LMNTD2: variants seen among roughly 807,000 people sequenced by gnomAD.
The protein encoded by LMNTD2 is lamin tail domain-containing protein 2.
A neutral mutation model predicts 70.1 loss-of-function variants in LMNTD2; 83 were observed. That is an observed-to-expected ratio of 1.18 (90% CI 0.99 to 1.42). LMNTD2 has a LOEUF of 1.42. Among genes scored for constraint, LMNTD2 ranks in the 40% most tolerant of loss-of-function variants. LMNTD2 has a pLI of 0.00. For missense variants in LMNTD2, 1,153 were observed against 905.9 expected (o/e 1.27, Z -3.50); for synonymous variants, 534 against 406.1 (o/e 1.31, Z -3.79).
At chr11:559,511 T>C in intron 1 of LMNTD2, 1 of 1,273,256 alleles carries the variant, frequency 7.9e-7, no homozygotes, top group Non-Finnish European at 1.0e-6. Flanking sequence ...GGAGGAGGTG[T>C]GAGAGGCTGA....
chr11:556,647 C>G (rs996350970), intron 8 of LMNTD2, 59 bp from the exon 9 acceptor site: 2 of 1,436,812 alleles, frequency 1.4e-6, no homozygotes, highest in South Asian at 1.4e-5. Flanking sequence ...ACCGGATGTT[C>G]CCCGTGAGGT....
Position 556,091 on chromosome 11 carries a change from C to T in LMNTD2, c.1282G>A (p.Ala428Thr), listed in dbSNP as rs2134093959. The change falls in exon 11 of 14, where the codon GCC becomes ACC. Residue 428 changes from alanine to threonine, a missense_variant. Coordinates refer to ENST00000329451, the MANE Select transcript of LMNTD2 (RefSeq NM_173573.3). ...VTVWGEATRSAKKPLRASSSR... is the reference protein window; with the variant it reads ...VTVWGEATRSTKKPLRASSSR... ...GAGGACGCGCGCAGCGGCTTCTTGGCGCTGCGGGTCGCCTCGCCCCAGACC... is the reference window on the plus strand; with the variant it reads ...GAGGACGCGCGCAGCGGCTTCTTGGTGCTGCGGGTCGCCTCGCCCCAGACC... 1 of 1,527,890 alleles carries T rather than the reference C, an allele frequency of 6.5e-7. No homozygotes were observed. Among genetic ancestry groups the T allele is most frequent in the Non-Finnish European group, 8.7e-7 (1 of 1,148,360 alleles). 94.6% of individuals were successfully genotyped at this position (1,527,890 alleles called of 1,614,324 possible).
rs1041114821 is a variant in LMNTD2 at position 554,935 on chromosome 11, C to G, written c.*45G>C. Reference sequence around the variant, plus strand: ...GGACACAGCCCGCCCAGCCCCGGCGCCCGCCCGCGCCCTCCCTCGCGGTCC... The same window carrying G: ...GGACACAGCCCGCCCAGCCCCGGCGGCCGCCCGCGCCCTCCCTCGCGGTCC... On this transcript the variant is annotated 3_prime_UTR_variant, in exon 14 of 14. Transcript: ENST00000329451. 4 of 1,419,114 alleles carry G rather than the reference C, an allele frequency of 2.8e-6. No homozygotes were observed. Among genetic ancestry groups the G allele is most frequent in the South Asian group, 2.9e-5 (2 of 69,752 alleles). 87.9% of individuals were successfully genotyped at this position (1,419,114 alleles called of 1,614,324 possible).
Position 559,209 on chromosome 11 carries a change from G to A in LMNTD2, c.35-230C>T, listed in dbSNP as rs551627506. On this transcript the variant is annotated intron_variant, in intron 1 of 13. Transcript: ENST00000329451. ...TCCACACCCGTGTGTTTCTGACCAG[G>A]CTGGCGCAGCAGGTCACCACCCGAC... 7.8e-4 allele frequency: 1,158 copies of A among 1,480,942 alleles called. 22 individuals are homozygous for A. In the South Asian group the frequency reaches 0.014, roughly 18 times the overall value. 91.7% of individuals were successfully genotyped at this position (1,480,942 alleles called of 1,614,324 possible).
chr11:556,021 G>C lies in LMNTD2; in HGVS notation c.1352C>G (p.Thr451Arg), dbSNP rs1374501203. ...CTCGCCCTTGGGGCTCAGGAGCAGC[G>C]TCGCGCAGCCGCGGATGGAGAGGAG... ...VPLLSIRGCA[T>R]LLLSPKGEVL... Residue 451 changes from threonine to arginine, a missense_variant, in exon 11 of 14, where the codon ACG (threonine) becomes AGG (arginine). Thr to Arg is a moderately conservative substitution (Grantham distance 71). Coordinates refer to ENST00000329451, the MANE Select transcript of LMNTD2 (RefSeq NM_173573.3). The C allele has an allele frequency of 1.3e-6, 2 of 1,557,690 alleles. No homozygotes were observed. Among genetic ancestry groups the C allele is most frequent in the Non-Finnish European group, 1.7e-6 (2 of 1,162,256 alleles).
In LMNTD2 at chr11:557,066, C is replaced by T; in HGVS notation, c.745G>A (p.Gly249Arg). 1 of 1,604,130 alleles carries T rather than the reference C, an allele frequency of 6.2e-7. No homozygotes were observed. Among genetic ancestry groups the T allele is most frequent in the Non-Finnish European group, 8.5e-7 (1 of 1,175,984 alleles). ...TGCTTTCCAGAGGACTCTGGGCTCCCTGTGTCCAGCTGTGGCCAGGGCCGG... is the reference window on the plus strand; with the variant it reads ...TGCTTTCCAGAGGACTCTGGGCTCCTTGTGTCCAGCTGTGGCCAGGGCCGG... ...QPRPWPQLDT[G>R]SPESSGKHSE... Residue 249 changes from glycine to arginine, a missense_variant, in exon 8 of 14, where the codon GGG becomes AGG. Coordinates refer to ENST00000329451, the MANE Select transcript of LMNTD2 (RefSeq NM_173573.3).
rs1183589280 is a variant in LMNTD2, at chr11:555,490, G to GC, written c.1587dup (p.Leu530AlafsTer36). The stretch of plus-strand genomic sequence containing the variant: ...AGCTTCCCCGAGCTCACTGGGGGCA[G>GC]CAGGCCCCGCGTCCTGGTGGGGCGA... On this transcript the variant is annotated frameshift_variant, in exon 13 of 14. Coordinates refer to ENST00000329451, the MANE Select transcript of LMNTD2 (RefSeq NM_173573.3). LOFTEE classifies it high-confidence loss of function. 23 of 1,366,376 alleles carry GC rather than the reference G, an allele frequency of 1.7e-5. No homozygotes were observed. The highest frequency in any genetic ancestry group is 2.1e-5 in the Non-Finnish European group (22 of 1,066,126). 84.6% of individuals were successfully genotyped at this position (1,366,376 alleles called of 1,614,324 possible).
At chr11:555,650 C>T in intron 12 of LMNTD2, 84 bp downstream of exon 12, 6 of 1,305,748 alleles carry the variant, frequency 4.6e-6, no homozygotes, top group South Asian at 1.8e-5. Flanking sequence ...AGGGGTCCGT[C>T]CTAGCGAGGG....
intron 6 of LMNTD2, 29 bp from the exon 7 acceptor site, chr11:557,516 C>G: frequency 6.2e-7 from 1 of 1,613,346 alleles, no homozygotes; most frequent in South Asian, 1.1e-5. Context: ...GCACATGGTC[C>G]TCCCCTCCCG....
Position 555,449 on chromosome 11 carries a change from C to T in LMNTD2, c.1629G>A (p.Glu543=), listed in dbSNP as rs1852786794. 2 of 1,380,548 alleles carry T rather than the reference C, an allele frequency of 1.4e-6. No individual in the cohort carries two copies. The highest frequency in any genetic ancestry group is 1.9e-6 in the Non-Finnish European group (2 of 1,073,318). The allele number at this position is 1,380,548 out of a possible 1,614,324, so 85.5% of individuals were successfully genotyped here. A position where few individuals can be genotyped will look rare whatever the true frequency, so the allele number is the denominator to read the frequency against. The change falls in exon 13 of 14, where the codon GAG becomes GAA. Residue 543 remains glutamate (E), a synonymous_variant. Coordinates refer to ENST00000329451, the MANE Select transcript of LMNTD2 (RefSeq NM_173573.3). Reference sequence around the variant, plus strand: ...CGGGGTTCTCGGGCCGCGCAGGCCCCTCCCGCGCGTGGAAGAGCTTCCCCG... The same window carrying T: ...CGGGGTTCTCGGGCCGCGCAGGCCCTTCCCGCGCGTGGAAGAGCTTCCCCG... ...VSSGKLFHAR[E]GPARPENPEI...
chr11:557,183 G>A, intron 7 of LMNTD2, 86 bp from the exon 8 acceptor site: 1 of 1,479,740 alleles, frequency 6.8e-7, no homozygotes, highest in Non-Finnish European at 9.0e-7. Context: ...GTGCAGCAGG[G>A]AGCCCCTCTT....
Position 557,051 on chromosome 11 carries a change from A to AG in LMNTD2, c.759dup (p.Ser254LeufsTer29). On this transcript the variant is annotated frameshift_variant, in exon 8 of 14. Transcript: ENST00000329451. LOFTEE classifies it high-confidence loss of function. The stretch of plus-strand genomic sequence containing the variant: ...TGATGCCGCTCGGAATGCTTTCCAG[A>AG]GGACTCTGGGCTCCCTGTGTCCAGC... 6.2e-7 allele frequency: 1 copy of AG among 1,608,510 alleles called. No homozygotes were observed. The highest frequency in any genetic ancestry group is 8.5e-7 in the Non-Finnish European group (1 of 1,178,488).
Position 556,861 on chromosome 11 carries a change from G to A in LMNTD2, c.950C>T (p.Ala317Val). 1 of 1,586,306 alleles carries A rather than the reference G, an allele frequency of 6.3e-7. No homozygotes were observed. Residue 317 changes from alanine to valine, a missense_variant, in exon 8 of 14, where the codon GCC (alanine) becomes GTC (valine). By Grantham distance (64) the Ala-to-Val change is moderately conservative. Coordinates refer to ENST00000329451, the MANE Select transcript of LMNTD2 (RefSeq NM_173573.3). ...RASSEQALVQ[A>V]GSYSRDSEDL... ...TTCTGAGTCCCTGCTGTAGCTGCCG[G>A]CCTGCACCAGCGCTTGCTCGGAGGA...
Position 557,483 on chromosome 11 carries a change from A to G in LMNTD2, c.629T>C (p.Phe210Ser), listed in dbSNP as rs759941043. The G allele has an allele frequency of 3.1e-6, 5 of 1,612,626 alleles. No individual in the cohort carries two copies. In the East Asian group the frequency reaches 8.9e-5, roughly 29 times the overall value. Reference sequence around the variant, plus strand: ...GTTCCAATCCACGTCCTCCAGCCGAAAGCCCTGGCCAGGAAGCAAGAGGCA... The same window carrying G: ...GTTCCAATCCACGTCCTCCAGCCGAGAGCCCTGGCCAGGAAGCAAGAGGCA... ...ENIQAPTGEGFRLEDVDWNSV... is the reference protein window; with the variant it reads ...ENIQAPTGEGSRLEDVDWNSV... The change falls in exon 7 of 14, where the codon TTT (phenylalanine) becomes TCT (serine). Residue 210 changes from phenylalanine (F) to serine (S), a missense_variant. Coordinates refer to ENST00000329451, the MANE Select transcript of LMNTD2 (RefSeq NM_173573.3).
rs749707473 is a variant in LMNTD2, at chr11:555,311, T to C, written c.1767A>G (p.Arg589=). 7.1e-7 allele frequency: 1 copy of C among 1,415,982 alleles called. No homozygotes were observed. Among genetic ancestry groups the C allele is most frequent in the Non-Finnish European group, 9.2e-7 (1 of 1,087,448 alleles). The allele number at this position is 1,415,982 out of a possible 1,614,324, so 87.7% of individuals were successfully genotyped here. A position where few individuals can be genotyped will look rare whatever the true frequency, so the allele number is the denominator to read the frequency against. ...CCCGCAAGCGCGCACTCACCCGAAC[T>C]CGGTGTTCTTTCTGGAGCCGACAGT... ...LEDCRLQKEH[R]VRVCRKSVDR... Residue 589 remains arginine (R), a synonymous_variant, in exon 13 of 14, where the codon CGA becomes CGG. Coordinates refer to ENST00000329451, the MANE Select transcript of LMNTD2 (RefSeq NM_173573.3).
chr11:558,043 C>T lies in LMNTD2; in HGVS notation c.400-4G>A. On this transcript the variant is annotated splice_polypyrimidine_tract_variant and splice_region_variant and intron_variant, in intron 4 of 13. Transcript: ENST00000329451. ...GCTCCTCCAGGTGCTCCTTCTCCTG[C>T]TCCGAGAGGGCCTGTGGTTGGTGGT... is the stretch of plus-strand genomic sequence containing the variant. The T allele has an allele frequency of 6.3e-7, 1 of 1,581,056 alleles. No individual in the cohort carries two copies. The highest frequency in any genetic ancestry group is 8.6e-7 in the Non-Finnish European group (1 of 1,162,250).
At chr11:558,489 G>A (rs747597352) in intron 3 of LMNTD2, 125 bp downstream of exon 3, 5 of 1,266,944 alleles carry the variant, frequency 3.9e-6, no homozygotes, top group African/African-American at 1.5e-5. Flanking sequence ...CAGGGTGGAG[G>A]GTCAGCGCGG....
Position 557,994 on chromosome 11 carries a change from G to A in LMNTD2, c.445C>T (p.Leu149Phe), listed in dbSNP as rs147386046. 3.4e-5 allele frequency: 54 copies of A among 1,596,956 alleles called. No homozygotes were observed. The highest frequency in any genetic ancestry group is 4.4e-5 in the Non-Finnish European group (51 of 1,170,268). ...TGCAGCTCGGCCTCCATCTCCTGGAGCGTGCGGGTGGTCTGCAGCAGCCGC... is the reference window on the plus strand; with the variant it reads ...TGCAGCTCGGCCTCCATCTCCTGGAACGTGCGGGTGGTCTGCAGCAGCCGC... ...EERLLQTTRT[L>F]QEMEAELQNL... Residue 149 changes from leucine to phenylalanine, a missense_variant, in exon 5 of 14, where the codon CTC (leucine) becomes TTC (phenylalanine). Transcript: ENST00000329451.
intron 12 of LMNTD2, 111 bp from the exon 13 acceptor site, chr11:555,614 G>T: frequency 7.9e-7 from 1 of 1,259,154 alleles, no homozygotes; most frequent in Non-Finnish European, 1.0e-6. Flanking sequence ...GGACCAGGGG[G>T]CGGCCGGGGC....
Sources: allele counts gnomAD v4.1 joint callset, GRCh38; gene constraint gnomAD v4.1.1; transcripts MANE v1.5; gene names NCBI Gene and HGNC (gene_info 2026-07-23, HGNC 2026-07-21).